AFAP1L1: variants seen among roughly 807,000 people sequenced by gnomAD.
The protein encoded by AFAP1L1 is actin filament associated protein 1 like 1.
In AFAP1L1, 77 loss-of-function variants were observed where a neutral mutation model predicts 99.8. That is an observed-to-expected ratio of 0.77 (90% CI 0.64 to 0.93). The LOEUF is 0.93. AFAP1L1 is among the 40% of genes least tolerant of loss of function. AFAP1L1 has a pLI of 0.00. For missense variants in AFAP1L1, 893 were observed against 996.8 expected, an observed-to-expected ratio of 0.90 and a Z score of 1.40; for synonymous variants, 373 against 395.3, an observed-to-expected ratio of 0.94 and a Z score of 0.67.
At chr5:149,327,694 A>G (rs1033827698) in intron 15 of AFAP1L1, among the ~76,000 whole-genome samples, 2 of 152,174 alleles carry the variant, frequency 1.3e-5, no homozygotes, top group Non-Finnish European at 2.9e-5. Flanking sequence ...GCCTGGTAGA[A>G]GAATCAGTGA....
chr5:149,290,640 A>G (rs1247743473), intron 1 of AFAP1L1, among the ~76,000 whole-genome samples: 1 of 152,224 alleles, frequency 6.6e-6, no homozygotes, highest in Non-Finnish European at 1.5e-5. Context: ...AGTTGAACAA[A>G]ATAGAGCATT....
rs956598020 is a variant in AFAP1L1 at position 149,317,852 on chromosome 5, A to G, written c.1391A>G (p.Gln464Arg). The G allele has an allele frequency of 1.9e-6, 3 of 1,609,302 alleles. No homozygotes were observed. Among genetic ancestry groups the G allele is most frequent in the Non-Finnish European group, 2.5e-6 (3 of 1,178,002 alleles). ...ACCCATGTGAACGCCATCGCCCTGC[A>G]AGGCTGTGAGGTGGCCCCGGGCTTT... ...LRTHVNAIAL[Q>R]GCEVAPGFGP... Residue 464 changes from glutamine (Q) to arginine (R), a missense_variant, in exon 12 of 19, where the codon CAA becomes CGA. By Grantham distance (43) the Gln-to-Arg change is conservative. Transcript: ENST00000296721.
Position 149,329,803 on chromosome 5 carries a change from C to G in AFAP1L1, c.1948C>G (p.Leu650Val). 2 of 1,612,668 alleles carry G rather than the reference C, an allele frequency of 1.2e-6. No individual in the cohort carries two copies. Among genetic ancestry groups the G allele is most frequent in the Non-Finnish European group, 1.7e-6 (2 of 1,179,422 alleles). Residue 650 changes from leucine to valine, a missense_variant, in exon 16 of 19, where the codon CTG becomes GTG. By Grantham distance (32) the Leu-to-Val change is conservative. Transcript: ENST00000296721. ...AGCACTGAGACAGGAGAAGAGGGAACTGAAGGAAGCCATTCGGAGCAGCCC... is the reference window on the plus strand; with the variant it reads ...AGCACTGAGACAGGAGAAGAGGGAAGTGAAGGAAGCCATTCGGAGCAGCCC... The part of the protein sequence containing the change: ...LIALRQEKRE[L>V]KEAIRSSPGA...
At chr5:149,316,350 C>A in intron 11 of AFAP1L1, 47 bp downstream of exon 11, 1 of 1,588,490 alleles carries the variant, frequency 6.3e-7, no homozygotes, top group Non-Finnish European at 8.6e-7. Flanking sequence ...CCTGTGTGCG[C>A]GGGCTTTGGG....
In AFAP1L1 at chr5:149,332,845, T is replaced by G. The variant is rs375783242; in HGVS notation, c.2126T>G (p.Leu709Arg). Reference sequence around the variant, plus strand: ...CTGGCAGGAGGGCCAGCCCTGGGGCTCTCCGTGAGCAGCAAGCCCAAGAGT... The same window carrying G: ...CTGGCAGGAGGGCCAGCCCTGGGGCGCTCCGTGAGCAGCAAGCCCAAGAGT... ...QSLAGGPALGLSVSSKPKSGE... is the reference protein window; with the variant it reads ...QSLAGGPALGRSVSSKPKSGE... Residue 709 changes from leucine (L) to arginine (R), a missense_variant, in exon 17 of 19, where the codon CTC becomes CGC. Physicochemically the swap from Leu to Arg is moderately radical, Grantham distance 102. Coordinates refer to ENST00000296721, the MANE Select transcript of AFAP1L1 (RefSeq NM_152406.4). The G allele has an allele frequency of 1.2e-5, 20 of 1,606,956 alleles. No homozygotes were observed. The highest frequency in any genetic ancestry group is 1.7e-5 in the Non-Finnish European group (20 of 1,177,740).
At position 149,302,415 on chromosome 5, in the gene AFAP1L1, C is replaced by T. The variant is rs376249861; in HGVS notation, c.328-3C>T. ...CCTAGCCCTCTTTTTTGTCCCCTTGCAGGCGGCCGACCTGCCTCCACCGCT... is the reference window on the plus strand; with the variant it reads ...CCTAGCCCTCTTTTTTGTCCCCTTGTAGGCGGCCGACCTGCCTCCACCGCT... On this transcript the variant is annotated splice_polypyrimidine_tract_variant and splice_region_variant and intron_variant, in intron 4 of 18. Transcript: ENST00000296721. 1,915 of 1,572,972 alleles carry T rather than the reference C, an allele frequency of 1.2e-3. 2 individuals are homozygous for T. Among genetic ancestry groups the T allele is most frequent in the Non-Finnish European group, 1.6e-3 (1,805 of 1,159,028 alleles).
intron 10 of AFAP1L1, 104 bp downstream of exon 10, chr5:149,316,018 G>A: frequency 3.2e-6 from 5 of 1,579,196 alleles, no homozygotes; most frequent in Non-Finnish European, 4.3e-6. Flanking sequence ...TGTAGACCTG[G>A]GTAAGGTGAC....
intron 1 of AFAP1L1, among the ~76,000 whole-genome samples, chr5:149,287,100 A>G (rs184203242): frequency 6.6e-6 from 1 of 152,342 alleles, no homozygotes; most frequent in Admixed American, 6.5e-5. Flanking sequence ...CACAGAGAAT[A>G]TTCCTACAAT....
intron 1 of AFAP1L1, among the ~76,000 whole-genome samples, chr5:149,294,220 G>A (rs759801979): frequency 3.9e-5 from 6 of 152,236 alleles, no homozygotes; most frequent in Admixed American, 1.3e-4. Flanking sequence ...TCCAGGACAG[G>A]CCTAGCAAAT....
intron 1 of AFAP1L1, among the ~76,000 whole-genome samples, chr5:149,285,492 A>G (rs560839032): frequency 5.8e-4 from 88 of 152,280 alleles, no homozygotes; most frequent in African/African-American, 2.0e-3. Context: ...GCTTGGTGAA[A>G]TGATGAAACC....
intron 18 of AFAP1L1, among the ~76,000 whole-genome samples, chr5:149,336,692 C>G (rs1021331358): frequency 2.0e-5 from 3 of 152,200 alleles, no homozygotes; most frequent in Non-Finnish European, 4.4e-5. Flanking sequence ...CAGTTCCACT[C>G]CCATGATAAC....
At chr5:149,281,652 T>C (rs1755522172) in intron 1 of AFAP1L1, among the ~76,000 whole-genome samples, 1 of 152,172 alleles carries the variant, frequency 6.6e-6, no homozygotes. Context: ...TCCCATTTTA[T>C]ACATGAAGAA....
chr5:149,281,629 G>A (rs2127589386), intron 1 of AFAP1L1, among the ~76,000 whole-genome samples: 1 of 152,316 alleles, frequency 6.6e-6, no homozygotes, highest in Middle Eastern at 3.4e-3. Flanking sequence ...TGACTCAGTA[G>A]ATACTGTCAT....
At chr5:149,301,046 G>A in intron 3 of AFAP1L1, 87 bp from the exon 4 acceptor site, 1 of 1,168,730 alleles carries the variant, frequency 8.6e-7, no homozygotes, top group Non-Finnish European at 1.3e-6. Flanking sequence ...TCACACTCAG[G>A]CCTCCTGACC....
At chr5:149,331,941 A>G (rs539613747) in intron 16 of AFAP1L1, among the ~76,000 whole-genome samples, 2 of 152,052 alleles carry the variant, frequency 1.3e-5, no homozygotes, top group African/African-American at 4.8e-5. Context: ...TCTCCTCCCA[A>G]TGACCACCGC....
In AFAP1L1 at chr5:149,272,107, C is replaced by T. The variant is rs371634293; in HGVS notation, c.16+123C>T. ...GGTGGGGCGGGGGCTGAGGAACGCT[C>T]GGAGGGGACTGGGAGACGCGGCGCT... On this transcript the variant is annotated intron_variant, in intron 1 of 18. Coordinates refer to ENST00000296721, the MANE Select transcript of AFAP1L1 (RefSeq NM_152406.4). The T allele has an allele frequency of 9.0e-6, 9 of 1,000,140 alleles. No individual in the cohort carries two copies. The South Asian group carries it at 1.5e-4, about 17-fold the overall frequency. The allele number at this position is 1,000,140 out of a possible 1,614,324, so 62.0% of individuals were successfully genotyped here.
At chr5:149,303,741 T>C (rs1164543675) in intron 5 of AFAP1L1, among the ~76,000 whole-genome samples, 3 of 152,202 alleles carry the variant, frequency 2.0e-5, no homozygotes, top group African/African-American at 7.2e-5. Flanking sequence ...TGCAAGGAAC[T>C]ATTAACAGGA....
At position 149,341,954 on chromosome 5, in the gene AFAP1L1, G is replaced by T. The variant is rs1290002964; in HGVS notation, c.*1924G>T. Reference sequence around the variant, plus strand: ...CTCTTTCTTATGCAGTTATTTTGGGGTTAAGTGTCTTTTCTCACCAACAGA... The same window carrying T: ...CTCTTTCTTATGCAGTTATTTTGGGTTTAAGTGTCTTTTCTCACCAACAGA... On this transcript the variant is annotated 3_prime_UTR_variant, in exon 19 of 19. Coordinates refer to ENST00000296721, the MANE Select transcript of AFAP1L1 (RefSeq NM_152406.4). 2.6e-5 allele frequency among the ~76,000 whole-genome samples: 4 copies of T among 152,116 alleles called. No homozygotes were observed. Among genetic ancestry groups the T allele is most frequent in the Non-Finnish European group, 4.4e-5 (3 of 68,038 alleles).
Position 149,332,712 on chromosome 5 carries a change from C to G in AFAP1L1, c.1993C>G (p.Leu665Val). 5 of 1,613,258 alleles carry G rather than the reference C, an allele frequency of 3.1e-6. No individual in the cohort carries two copies. The South Asian group carries it at 5.5e-5, about 18-fold the overall frequency. ...TGATTCAGGAGCAAAATTAAAGGCT[C>G]TGGAAGAAGCCGTGGCCACCCTGGA... ...RSSPGAKLKALEEAVATLEAQ... is the reference protein window; with the variant it reads ...RSSPGAKLKAVEEAVATLEAQ... Residue 665 changes from leucine to valine, a missense_variant, in exon 17 of 19, where the codon CTG becomes GTG. Leu to Val is a conservative substitution (Grantham distance 32). Coordinates refer to ENST00000296721, the MANE Select transcript of AFAP1L1 (RefSeq NM_152406.4).
Sources: allele counts gnomAD v4.1 joint callset (sites outside exome capture counted in the v4.1 genomes callset), GRCh38; gene constraint gnomAD v4.1.1; transcripts MANE v1.5; gene names NCBI Gene and HGNC (gene_info 2026-07-23, HGNC 2026-07-21).